The following PTPRT variants were observed in gnomAD, a reference collection of about 807,000 sequenced individuals.
The protein encoded by PTPRT is receptor-type tyrosine-protein phosphatase T.
A neutral mutation model predicts 176.8 loss-of-function variants in PTPRT; 56 were observed. The ratio of observed to expected loss-of-function variants is 0.32; its 90% CI spans 0.26 to 0.40. The LOEUF (loss-of-function observed/expected upper bound fraction) is 0.40. Ranked by LOEUF, PTPRT falls within the 10% of genes least tolerant of loss-of-function variation. PTPRT has a pLI of 1.00. For missense variants in PTPRT, 1,540 were observed against 1,908.2 expected, an observed-to-expected ratio of 0.81 and a Z score of 3.60; for synonymous variants, 783 against 739.0, an observed-to-expected ratio of 1.06 and a Z score of -0.96.
chr20:42,339,138 C>T (rs960571014), intron 11 of PTPRT, among the ~76,000 whole-genome samples: 68 of 152,330 alleles, frequency 4.5e-4, no homozygotes, highest in African/African-American at 1.6e-3. Context: ...TAGCCTTCCA[C>T]AAAAGAACAC....
rs563371054 is a variant in PTPRT, at chr20:42,788,748, T to A, written c.486+2447A>T. Among the ~76,000 whole-genome samples the A allele has an allele frequency of 3.3e-5, 5 of 152,250 alleles. No individual in the cohort carries two copies. In the East Asian group the frequency reaches 9.7e-4, roughly 29 times the overall value. On this transcript the variant is annotated intron_variant, in intron 3 of 30. Coordinates refer to ENST00000373187, the MANE Select transcript of PTPRT (RefSeq NM_007050.6). ...TGCGGGATTCTCCAGCAATGGAGGA[T>A]GAGAATGAGCAGAACCAGCACCTCA...
chr20:42,072,366 T>G (rs757359406), downstream of PTPRT, among the ~76,000 whole-genome samples: 1 of 152,202 alleles, frequency 6.6e-6, no homozygotes, highest in African/African-American at 2.4e-5. Flanking sequence ...TACTGAGTTT[T>G]GGGTTGTTTA....
At chr20:42,444,894 G>T (rs541983860) in intron 9 of PTPRT, among the ~76,000 whole-genome samples, 1 of 152,160 alleles carries the variant, frequency 6.6e-6, no homozygotes, top group Non-Finnish European at 1.5e-5. Flanking sequence ...CTTGCTTACT[G>T]TCTGGGGCTG....
In PTPRT at chr20:42,259,513, C is replaced by A. The variant is rs118076964; in HGVS notation, c.2177-10691G>T. Among the ~76,000 whole-genome samples, 564 of 152,348 alleles carry A rather than the reference C, an allele frequency of 3.7e-3. 1 individual carries two copies. Among genetic ancestry groups the A allele is most frequent in the Middle Eastern group, 0.014 (4 of 294 alleles). ...CTACTTTCTGTTGTGCCAAGGAGGC[C>A]TAACCTATGAGGGCTGCCAAGACCC... On this transcript the variant is annotated intron_variant, in intron 13 of 30. Coordinates refer to ENST00000373187, the MANE Select transcript of PTPRT (RefSeq NM_007050.6).
chr20:42,473,863 G>A (rs1404228992), intron 7 of PTPRT, among the ~76,000 whole-genome samples: 1 of 152,094 alleles, frequency 6.6e-6, no homozygotes, highest in Non-Finnish European at 1.5e-5. Flanking sequence ...TCTTATCTGG[G>A]AGGAGTCAGG....
At chr20:42,407,184 T>A (rs969880359) in intron 9 of PTPRT, among the ~76,000 whole-genome samples, 1 of 152,180 alleles carries the variant, frequency 6.6e-6, no homozygotes, top group African/African-American at 2.4e-5. Context: ...TCTCTTCCTC[T>A]ACCACTAGAT....
intron 1 of PTPRT, among the ~76,000 whole-genome samples, chr20:42,945,136 G>A (rs1980800152): frequency 6.7e-6 from 1 of 149,228 alleles, no homozygotes; most frequent in Non-Finnish European, 1.5e-5. Context: ...TATATATTAT[G>A]TAAAGATAAT....
chr20:42,614,364 C>G (rs1008297280), intron 7 of PTPRT, among the ~76,000 whole-genome samples: 13 of 152,164 alleles, frequency 8.5e-5, no homozygotes, highest in African/African-American at 3.1e-4. Context: ...ATTCTGAGAT[C>G]AGAGGGTTAG....
chr20:42,460,170 G>C (rs2070993870), intron 8 of PTPRT, among the ~76,000 whole-genome samples: 2 of 152,164 alleles, frequency 1.3e-5, no homozygotes, highest in Admixed American at 1.3e-4. Context: ...GCTGGGCAGA[G>C]GCCTGGCCTG....
At position 42,118,826 on chromosome 20, in the gene PTPRT, G is replaced by A. The variant is rs1275238071; in HGVS notation, c.2885-326C>T. On this transcript the variant is annotated intron_variant, in intron 20 of 30. Transcript: ENST00000373187. ...CTCCACCTATCACCTTATCTGGACT[G>A]TATTATGGCTTAAGGGAGTTTTCGA... 2.0e-5 allele frequency among the ~76,000 whole-genome samples: 3 copies of A among 151,858 alleles called. No individual in the cohort carries two copies. The East Asian group carries it at 5.8e-4, about 29-fold the overall frequency.
intron 17 of PTPRT, among the ~76,000 whole-genome samples, chr20:42,155,942 G>A (rs890963223): frequency 6.6e-6 from 1 of 152,188 alleles, no homozygotes. Flanking sequence ...ACAATCCAAA[G>A]TCATTAGTGT....
At position 43,138,974 on chromosome 20, in the gene PTPRT, G is replaced by A. The variant is rs568959521; in HGVS notation, c.88+50672C>T. Among the ~76,000 whole-genome samples, 5 of 152,308 alleles carry A rather than the reference G, an allele frequency of 3.3e-5. No homozygotes were observed. The South Asian group carries it at 1.0e-3, about 32-fold the overall frequency. On this transcript the variant is annotated intron_variant, in intron 1 of 30. Coordinates refer to ENST00000373187, the MANE Select transcript of PTPRT (RefSeq NM_007050.6). ...AAACTCAATCATTTGTAAAGAACAG[G>A]CTTCAGATCAGATATTCAAGTTCCT...
chr20:42,802,066 A>T (rs1342258286), intron 2 of PTPRT, among the ~76,000 whole-genome samples: 1 of 152,230 alleles, frequency 6.6e-6, no homozygotes, highest in Non-Finnish European at 1.5e-5. Context: ...AGCGGTTCCC[A>T]AATCGCAGTG....
chr20:42,127,387 T>A (rs1489303260), intron 19 of PTPRT, among the ~76,000 whole-genome samples: 1 of 152,154 alleles, frequency 6.6e-6, no homozygotes, highest in Non-Finnish European at 1.5e-5. Flanking sequence ...TCTGTCTGTC[T>A]GTCTGTCTCT....
intron 6 of PTPRT, among the ~76,000 whole-genome samples, chr20:42,750,114 C>T (rs1600696570): frequency 6.6e-6 from 1 of 152,132 alleles, no homozygotes; most frequent in African/African-American, 2.4e-5. Flanking sequence ...ACCTCAATCC[C>T]ATTTCAGAAG....
chr20:42,711,814 T>C (rs2076148694), intron 6 of PTPRT, among the ~76,000 whole-genome samples: 2 of 151,560 alleles, frequency 1.3e-5, no homozygotes, highest in South Asian at 2.1e-4. Context: ...CTATCTAGTA[T>C]AGCTTTAAGC....
chr20:42,962,740 C>A (rs1982063842), intron 1 of PTPRT, among the ~76,000 whole-genome samples: 1 of 152,158 alleles, frequency 6.6e-6, no homozygotes, highest in Admixed American at 6.5e-5. Context: ...CTACCACCAC[C>A]ATTTACCTCC....
chr20:42,704,096 A>G (rs2076015277), intron 6 of PTPRT, among the ~76,000 whole-genome samples: 2 of 152,152 alleles, frequency 1.3e-5, no homozygotes, highest in Admixed American at 6.5e-5. Context: ...AATACCATGT[A>G]TCTTTCTTGT....
intron 15 of PTPRT, among the ~76,000 whole-genome samples, chr20:42,217,153 C>A (rs1284441090): frequency 2.0e-5 from 3 of 152,076 alleles, no homozygotes; most frequent in African/African-American, 7.2e-5. Flanking sequence ...GCAGGTGGAT[C>A]ACCTGAGGAC....
Sources: gnomAD v4.1 joint callset for allele counts (sites outside exome capture counted in the v4.1 genomes callset) on GRCh38, gnomAD v4.1.1 for gene constraint, MANE v1.5 for transcripts, NCBI Gene and HGNC (gene_info 2026-07-23, HGNC 2026-07-21) for gene names.